The following ABCB1 variants were observed in gnomAD, a reference collection of about 807,000 sequenced individuals.
ABCB1 encodes ATP-dependent translocase ABCB1.
In ABCB1, 69 loss-of-function variants were observed where a neutral mutation model predicts 142.0. The observed-to-expected ratio is 0.49, with a 90% CI of 0.40 to 0.59. The LOEUF is 0.59. Ranked by LOEUF, ABCB1 falls within the 20% of genes least tolerant of loss-of-function variation. The pLI is 0.00. For synonymous variants in ABCB1, 532 were observed against 539.2 expected, an observed-to-expected ratio of 0.99 and a Z score of 0.18; for missense variants, 1,326 against 1,554.7, an observed-to-expected ratio of 0.85 and a Z score of 2.47.
At chr7:87,665,572 A>G (rs904985863) in intron 1 of ABCB1, among the ~76,000 whole-genome samples, 10 of 152,248 alleles carry the variant, frequency 6.6e-5, no homozygotes, top group African/African-American at 2.4e-4. Context: ...TCAAGGGTAC[A>G]TGTGCAGGTT....
At chr7:87,626,162 GTGTCATATATAT>G (rs1238881225) in intron 1 of ABCB1, among the ~76,000 whole-genome samples, 1 of 133,598 alleles carries the variant, frequency 7.5e-6, no homozygotes, top group Non-Finnish European at 1.6e-5. Context: ...TCATATATAT[GTGTCATATATAT>G]TGTCATATAT....
rs201355162 is a variant in ABCB1 at position 87,544,849 on chromosome 7, T to C, written c.2038A>G (p.Arg680Gly). 1.9e-6 allele frequency: 3 copies of C among 1,614,008 alleles called. No homozygotes were observed. The highest frequency in any genetic ancestry group is 2.5e-6 in the Non-Finnish European group (3 of 1,180,014). ...RSVRGSQAQD[R>G]KLSTKEALDE... ...AGAGCCTCTTTGGTACTAAGCTTTC[T>C]GTCTTGGGCTTGTGATCCACGGACA... Residue 680 changes from arginine to glycine, a missense_variant, in exon 16 of 28, where the codon AGA becomes GGA. Arg to Gly is a moderately radical substitution (Grantham distance 125). Coordinates refer to ENST00000622132, the MANE Select transcript of ABCB1 (RefSeq NM_001348946.2).
chr7:87,550,190 T>C lies in ABCB1; in HGVS notation c.1331A>G (p.Tyr444Cys). ...STTVQLMQRLYDPTEGMVSVD... is the reference protein window; with the variant it reads ...STTVQLMQRLCDPTEGMVSVD... Reference sequence around the variant, plus strand: ...TCTCACCATCCCCTCTGTGGGGTCATAGAGCCTCTGCATCAGCTGGACTGT... The same window carrying C: ...TCTCACCATCCCCTCTGTGGGGTCACAGAGCCTCTGCATCAGCTGGACTGT... Residue 444 changes from tyrosine (Y) to cysteine (C), a missense_variant, in exon 12 of 28, where the codon TAT becomes TGT. By Grantham distance (194) the Tyr-to-Cys change is radical. Coordinates refer to ENST00000622132, the MANE Select transcript of ABCB1 (RefSeq NM_001348946.2). 6.2e-7 allele frequency: 1 copy of C among 1,614,210 alleles called. No homozygotes were observed. The highest frequency in any genetic ancestry group is 8.5e-7 in the Non-Finnish European group (1 of 1,180,032).
rs572661333 is a variant in ABCB1, at chr7:87,545,172, G to A, written c.1888-173C>T. 9.9e-5 allele frequency among the ~76,000 whole-genome samples: 15 copies of A among 152,272 alleles called. No individual in the cohort carries two copies. The South Asian group carries it at 3.1e-3, about 32-fold the overall frequency. On this transcript the variant is annotated intron_variant, in intron 15 of 27. Coordinates refer to ENST00000622132, the MANE Select transcript of ABCB1 (RefSeq NM_001348946.2). ...TGTGTCTGTGTGTGTCTGTGTGTGT[G>A]TGTGATATTTGAAAACGAAAACCAC...
rs998680730 is a variant in ABCB1, at chr7:87,520,844, G to T, written c.2718C>A (p.Thr906=). Residue 906 remains threonine, a synonymous_variant, in exon 22 of 28, where the codon ACC becomes ACA. Coordinates refer to ENST00000622132, the MANE Select transcript of ABCB1 (RefSeq NM_001348946.2). ...TCTGCTCCTGAGTCAAAGAAACAAC[G>T]GTTCGGAAGTTTTCTATTGCTTCAG... ...IATEAIENFR[T]VVSLTQEQKF... 2 of 1,613,720 alleles carry T rather than the reference G, an allele frequency of 1.2e-6. No individual in the cohort carries two copies. Among genetic ancestry groups the T allele is most frequent in the African/African-American group, 1.3e-5 (1 of 74,888 alleles).
At position 87,516,568 on chromosome 7, in the gene ABCB1, T is replaced by A; in HGVS notation, c.3025A>T (p.Ile1009Phe). ...AAAGGGGTTTTTTCAATGATCATGATGATGTGGGCTGCTGATATTTTGGCT... is the reference window on the plus strand; with the variant it reads ...AAAGGGGTTTTTTCAATGATCATGAAGATGTGGGCTGCTGATATTTTGGCT... ...AKAKISAAHIIMIIEKTPLID... is the reference protein window; with the variant it reads ...AKAKISAAHIFMIIEKTPLID... Residue 1009 changes from isoleucine (I) to phenylalanine (F), a missense_variant, in exon 24 of 28, where the codon ATC becomes TTC. Physicochemically the swap from Ile to Phe is conservative, Grantham distance 21. Transcript: ENST00000622132. The A allele has an allele frequency of 1.2e-6, 2 of 1,614,198 alleles. No homozygotes were observed. Among genetic ancestry groups the A allele is most frequent in the Non-Finnish European group, 1.7e-6 (2 of 1,180,042 alleles).
intron 9 of ABCB1, 144 bp from the exon 10 acceptor site, chr7:87,550,982 T>A: frequency 1.5e-6 from 1 of 653,944 alleles, no homozygotes; most frequent in Non-Finnish European, 2.7e-6. Context: ...AAAAATATTT[T>A]AAAAGTTTGT....
intron 1 of ABCB1, among the ~76,000 whole-genome samples, chr7:87,676,968 A>G (rs1371327617): frequency 2.0e-5 from 3 of 152,118 alleles, no homozygotes; most frequent in Non-Finnish European, 4.4e-5. Flanking sequence ...AAAAACAATC[A>G]AAAGATAACA....
At chr7:87,639,107 G>A (rs1354628981) in intron 1 of ABCB1, among the ~76,000 whole-genome samples, 2 of 128,932 alleles carry the variant, frequency 1.6e-5, no homozygotes, top group Non-Finnish European at 3.1e-5. Context: ...AGAAGAGACG[G>A]CACACCACTG....
At chr7:87,539,116 G>T in intron 19 of ABCB1, 152 bp downstream of exon 19, 1 of 790,578 alleles carries the variant, frequency 1.3e-6, no homozygotes, top group Non-Finnish European at 2.1e-6. Flanking sequence ...TGTGCCTAGT[G>T]GGCGGTTCAA....
At chr7:87,600,433 T>C (rs1819402751) in intron 1 of ABCB1, among the ~76,000 whole-genome samples, 1 of 152,166 alleles carries the variant, frequency 6.6e-6, no homozygotes. Flanking sequence ...CCGCCGCCAG[T>C]GCGATTCTCC....
chr7:87,658,178 G>A (rs548176072), intron 1 of ABCB1, among the ~76,000 whole-genome samples: 1 of 152,116 alleles, frequency 6.6e-6, no homozygotes, highest in African/African-American at 2.4e-5. Flanking sequence ...TGAAAAAGTA[G>A]AAATCCACAG....
intron 1 of ABCB1, among the ~76,000 whole-genome samples, chr7:87,621,045 T>C (rs2130095287): frequency 6.6e-6 from 1 of 152,300 alleles, no homozygotes; most frequent in African/African-American, 2.4e-5. Flanking sequence ...TACTGTCATC[T>C]TAGATCATTG....
intron 1 of ABCB1, chr7:87,700,583 A>ATT: frequency 3.4e-6 from 5 of 1,452,630 alleles, no homozygotes; most frequent in East Asian, 2.5e-5. Context: ...ACTCGTTTCT[A>ATT]TTTTTTTTTT....
intron 21 of ABCB1, 101 bp from the exon 22 acceptor site, chr7:87,520,977 A>G: frequency 6.8e-6 from 6 of 879,586 alleles, no homozygotes; most frequent in East Asian, 2.7e-5. Flanking sequence ...TTATGATTAC[A>G]TATTTATTAT....
chr7:87,506,635 T>G (rs1814763627), intron 26 of ABCB1, among the ~76,000 whole-genome samples: 1 of 152,164 alleles, frequency 6.6e-6, no homozygotes, highest in African/African-American at 2.4e-5. Flanking sequence ...GCTCCCAAAA[T>G]TCTTCCCGTG....
At chr7:87,517,292 G>T (rs1482859765) in intron 23 of ABCB1, among the ~76,000 whole-genome samples, 2 of 152,036 alleles carry the variant, frequency 1.3e-5, no homozygotes, top group Non-Finnish European at 2.9e-5. Context: ...AATCACTTTT[G>T]CCAGTTCCAA....
chr7:87,515,142 A>G (rs1584834490), intron 25 of ABCB1, 89 bp downstream of exon 25: 1 of 1,518,168 alleles, frequency 6.6e-7, no homozygotes, highest in South Asian at 1.2e-5. Flanking sequence ...AAAGGTTTGA[A>G]AAAACATGGC....
intron 21 of ABCB1, among the ~76,000 whole-genome samples, chr7:87,524,904 G>A (rs1314030951): frequency 6.6e-6 from 1 of 152,104 alleles, no homozygotes; most frequent in Non-Finnish European, 1.5e-5. Flanking sequence ...TCAGTGTAAT[G>A]GTTTTAAGAA....
Sources: gnomAD v4.1 joint callset for allele counts (sites outside exome capture counted in the v4.1 genomes callset) on GRCh38, gnomAD v4.1.1 for gene constraint, MANE v1.5 for transcripts, NCBI Gene and HGNC (gene_info 2026-07-23, HGNC 2026-07-21) for gene names.